Variants in CPSF4L observed in about 807,000 individuals in gnomAD.
CPSF4L encodes cleavage and polyadenylation specific factor 4 like, also known as putative cleavage and polyadenylation specificity factor subunit 4-like protein.
Under a neutral mutation model 24.0 loss-of-function variants are expected in CPSF4L, and 18 were observed. The observed-to-expected ratio is 0.75, with a 90% CI of 0.52 to 1.11. CPSF4L has a LOEUF of 1.11. Among genes scored for constraint, CPSF4L ranks in the 50% least tolerant of loss-of-function variants. The probability of loss-of-function intolerance (pLI) is 0.00; values close to 1 mark genes in which losing one functional copy is unlikely to be tolerated. For missense variants in CPSF4L, 211 were observed against 221.8 expected (o/e 0.95, Z 0.31); for synonymous variants, 72 against 77.2 (o/e 0.93, Z 0.35).
chr17:73,242,846 G>A, the CPSF4L span: 3 of 1,463,400 alleles, frequency 2.1e-6, no homozygotes, highest in Non-Finnish European at 2.8e-6. Context: ...CGCGGATACT[G>A]GCCCTAGTTT....
chr17:73,260,894 C>G, intron 2 of CPSF4L, 39 bp downstream of exon 2: 1 of 1,532,786 alleles, frequency 6.5e-7, no homozygotes, highest in Non-Finnish European at 8.8e-7. Context: ...AGACCCTACA[C>G]TCACCCAGCT....
chr17:73,246,212 C>G (rs1310325655), downstream of CPSF4L, among the ~76,000 whole-genome samples: 3 of 152,174 alleles, frequency 2.0e-5, no homozygotes, highest in African/African-American at 7.2e-5. Context: ...TACATGAGGT[C>G]AGTTCCTCTT....
downstream of CPSF4L, chr17:73,247,120 C>T: frequency 1.2e-6 from 1 of 817,152 alleles, no homozygotes; most frequent in Non-Finnish European, 2.0e-6. Flanking sequence ...AAAAACAAGC[C>T]CTGCTCATTT....
the CPSF4L span, chr17:73,242,997 C>A: frequency 6.2e-7 from 1 of 1,611,678 alleles, no homozygotes; most frequent in Non-Finnish European, 8.5e-7. Context: ...GAGTTTCAGA[C>A]GTCTGAGTAA....
In CPSF4L at chr17:73,260,945, G is replaced by A; in HGVS notation, c.142C>T (p.Leu48Phe). The A allele has an allele frequency of 1.9e-6, 3 of 1,550,810 alleles. No individual in the cohort carries two copies. Among genetic ancestry groups the A allele is most frequent in the African/African-American group, 1.4e-5 (1 of 73,116 alleles). Reference sequence around the variant, plus strand: ...TCTGCTAACTCACCTTTCTCACAGAGCCCTTTAGTGAAGAAGTTGCACACA... The same window carrying A: ...TCTGCTAACTCACCTTTCTCACAGAACCCTTTAGTGAAGAAGTTGCACACA... ...SAVCNFFTKG[L>F]CEKGKLCPFR... is the part of the protein sequence containing the mutation. Residue 48 changes from leucine (L) to phenylalanine (F), a missense_variant, in exon 2 of 6, where the codon CTC (leucine) becomes TTC (phenylalanine). Leu to Phe is a conservative substitution (Grantham distance 22). Transcript: ENST00000344935.
At chr17:73,258,435 A>G (rs1428107778) in intron 2 of CPSF4L, among the ~76,000 whole-genome samples, 2 of 151,898 alleles carry the variant, frequency 1.3e-5, no homozygotes, top group African/African-American at 4.8e-5. Flanking sequence ...CCTCCCAAGT[A>G]GCTGGGATTA....
intron 5 of CPSF4L, 76 bp downstream of exon 5, chr17:73,252,554 G>A: frequency 1.1e-6 from 1 of 880,104 alleles, no homozygotes; most frequent in Non-Finnish European, 1.9e-6. Context: ...GACCAGCGAA[G>A]GTATGGAAAG....
intron 2 of CPSF4L, among the ~76,000 whole-genome samples, chr17:73,258,318 GT>G (rs1229654079): frequency 6.7e-6 from 1 of 150,072 alleles, no homozygotes; most frequent in Non-Finnish European, 1.5e-5. Context: ...CCAAGCTCTT[GT>G]TTTTGAGATG....
chr17:73,250,389 A>C, intron 5 of CPSF4L: 1 of 1,501,340 alleles, frequency 6.7e-7, no homozygotes, highest in South Asian at 1.2e-5. Context: ...ATGGTTAGCT[A>C]CCTTTGTGAG....
At chr17:73,243,102 A>G in the CPSF4L span, 1 of 438,096 alleles carries the variant, frequency 2.3e-6, no homozygotes. Context: ...TTTTTTTTTT[A>G]CAGCTTTACA....
the CPSF4L span, chr17:73,242,948 G>T: frequency 0.35 from 559,338 of 1,613,134 alleles, 101,396 homozygotes; most frequent in Admixed American, 0.38. Context: ...GTGGCATCAC[G>T]ATGCTCTTCA....
At chr17:73,245,051 A>T, downstream of CPSF4L, 2 of 919,920 alleles carry the variant, frequency 2.2e-6, no homozygotes, top group Non-Finnish European at 3.4e-6. Flanking sequence ...CATTGTGCTT[A>T]ATACTCTATT....
intron 1 of CPSF4L, among the ~76,000 whole-genome samples, chr17:73,261,273 AG>A (rs1215417229): frequency 1.3e-5 from 2 of 152,178 alleles, no homozygotes; most frequent in African/African-American, 4.8e-5. Context: ...TCTCTTTCTC[AG>A]TCTGGAAAAT....
intron 4 of CPSF4L, among the ~76,000 whole-genome samples, chr17:73,253,642 C>T (rs1373565991): frequency 6.6e-6 from 1 of 152,214 alleles, no homozygotes; most frequent in Non-Finnish European, 1.5e-5. Flanking sequence ...ATGGGCCTGA[C>T]CCTGTGTCAA....
At chr17:73,253,131 G>A (rs370928479) in intron 4 of CPSF4L, among the ~76,000 whole-genome samples, 2 of 152,296 alleles carry the variant, frequency 1.3e-5, no homozygotes, top group Admixed American at 6.5e-5. Flanking sequence ...AGGCCAAGGT[G>A]GGTGGATCAC....
intron 2 of CPSF4L, among the ~76,000 whole-genome samples, chr17:73,258,476 A>T (rs1202548295): frequency 6.8e-6 from 1 of 147,014 alleles, no homozygotes; most frequent in Non-Finnish European, 1.5e-5. Flanking sequence ...TATTTTTTTT[A>T]TTTTTAGTAG....
intron 3 of CPSF4L, 77 bp downstream of exon 3, chr17:73,257,604 C>G: frequency 6.8e-7 from 1 of 1,468,580 alleles, no homozygotes; most frequent in Admixed American, 2.0e-5. Flanking sequence ...CGTGCCCGCT[C>G]CTCTAGAAAC....
chr17:73,257,195 C>T (rs968398461), intron 3 of CPSF4L, among the ~76,000 whole-genome samples: 1 of 152,134 alleles, frequency 6.6e-6, no homozygotes, highest in African/African-American at 2.4e-5. Flanking sequence ...GATGCTAGTT[C>T]TCCGTTTATG....
intron 5 of CPSF4L, chr17:73,249,027 G>C (rs2061989941): frequency 6.5e-6 from 1 of 153,566 alleles, no homozygotes; most frequent in African/African-American, 2.4e-5. Context: ...GTGTGTCCCT[G>C]GGTAAGTTAC....
Sources: allele counts gnomAD v4.1 joint callset (sites outside exome capture counted in the v4.1 genomes callset), GRCh38; gene constraint gnomAD v4.1.1; transcripts MANE v1.5; gene names NCBI Gene and HGNC (gene_info 2026-07-23, HGNC 2026-07-21).